NBAS: variants seen among roughly 807,000 people sequenced by gnomAD.
NBAS encodes the protein NBAS subunit of NRZ tethering complex, also known as NAG/BC035112 fusion.
A neutral mutation model predicts 302.5 loss-of-function variants in NBAS; 219 were observed. The ratio of observed to expected loss-of-function variants is 0.72; its 90% confidence interval spans 0.65 to 0.81. The LOEUF (loss-of-function observed/expected upper bound fraction) is 0.81. NBAS is among the 30% of genes least tolerant of loss of function. The pLI, the probability that NBAS is intolerant of heterozygous loss-of-function variation, is 0.00. For missense variants in NBAS, 2,932 were observed against 2,841.6 expected, an observed-to-expected ratio of 1.03 and a Z score of -0.72; for synonymous variants, 1,118 against 1,021.6, an observed-to-expected ratio of 1.09 and a Z score of -1.80.
chr2:15,046,669 GT>G, the NBAS span, among the ~76,000 whole-genome samples: 1 of 152,156 alleles, frequency 6.6e-6, no homozygotes, highest in Non-Finnish European at 1.5e-5. Context: ...CTTTTAATTA[GT>G]TGTACAGAAG....
chr2:15,390,812 T>A (rs1675554458), intron 28 of NBAS, among the ~76,000 whole-genome samples: 1 of 152,072 alleles, frequency 6.6e-6, no homozygotes, highest in African/African-American at 2.4e-5. Context: ...TAATGTCTAG[T>A]ATTCAATAAA....
At chr2:14,894,721 A>G in the NBAS span, among the ~76,000 whole-genome samples, 5 of 152,178 alleles carry the variant, frequency 3.3e-5, no homozygotes, top group African/African-American at 4.8e-5. Context: ...CCTTAATTCC[A>G]CAGCAGAACA....
chr2:15,203,890 T>TTGTGTGTGTGTGTGTGTG (rs143962413), intron 48 of NBAS, among the ~76,000 whole-genome samples: 2 of 129,460 alleles, frequency 1.5e-5, no homozygotes, highest in African/African-American at 5.6e-5. Context: ...GTGTGTGTGC[T>TTGTGTGTGTGTGTGTGTG]TGTGTGTGTG....
At chr2:15,196,581 G>A (rs981638430) in intron 48 of NBAS, among the ~76,000 whole-genome samples, 1 of 152,020 alleles carries the variant, frequency 6.6e-6, no homozygotes, top group African/African-American at 2.4e-5. Context: ...CAAACAAAAT[G>A]CAGAAAACAA....
chr2:14,962,543 T>G, the NBAS span, among the ~76,000 whole-genome samples: 3 of 152,130 alleles, frequency 2.0e-5, no homozygotes, highest in African/African-American at 7.2e-5. Flanking sequence ...GAGGGATAGA[T>G]TCTTTTGTTC....
intron 50 of NBAS, 78 bp downstream of exon 50, chr2:15,186,664 T>C: frequency 6.3e-7 from 1 of 1,596,172 alleles, no homozygotes; most frequent in Non-Finnish European, 8.6e-7. Flanking sequence ...TCAAATCCAG[T>C]CTCTGGGATT....
the NBAS span, among the ~76,000 whole-genome samples, chr2:14,872,940 G>A: frequency 2.0e-5 from 3 of 152,190 alleles, no homozygotes; most frequent in Non-Finnish European, 2.9e-5. Context: ...AGAACTTTGT[G>A]GTGAGTGTTG....
At chr2:14,983,198 A>T in the NBAS span, among the ~76,000 whole-genome samples, 2 of 152,262 alleles carry the variant, frequency 1.3e-5, no homozygotes, top group Non-Finnish European at 2.9e-5. Context: ...TGTATAAAAC[A>T]TTTAGAACTG....
chr2:15,268,559 G>C (rs1669177890), intron 44 of NBAS, among the ~76,000 whole-genome samples: 1 of 152,120 alleles, frequency 6.6e-6, no homozygotes, highest in African/African-American at 2.4e-5. Context: ...TCCACATGTG[G>C]CACACATGAT....
At chr2:15,534,196 G>A (rs184813843) in intron 9 of NBAS, among the ~76,000 whole-genome samples, 39 of 152,266 alleles carry the variant, frequency 2.6e-4, no homozygotes, top group East Asian at 1.4e-3. Context: ...TACTGAGGCC[G>A]TTCTGTGTGA....
intron 50 of NBAS, among the ~76,000 whole-genome samples, chr2:15,180,994 T>C (rs991806980): frequency 1.3e-5 from 2 of 152,248 alleles, no homozygotes; most frequent in African/African-American, 2.4e-5. Flanking sequence ...ATGTTCTAAA[T>C]GTACTGTATA....
intron 35 of NBAS, among the ~76,000 whole-genome samples, chr2:15,336,361 CTA>C: frequency 6.6e-6 from 1 of 152,176 alleles, no homozygotes; most frequent in East Asian, 1.9e-4. Flanking sequence ...TGAAAAATCT[CTA>C]TTGCTTGGAT....
chr2:15,010,783 AAAG>A, the NBAS span, among the ~76,000 whole-genome samples: 1 of 152,186 alleles, frequency 6.6e-6, no homozygotes, highest in Non-Finnish European at 1.5e-5. Context: ...TGGCTCCAGA[AAAG>A]AAAACAACCA....
At chr2:15,315,999 T>C (rs934432032) in intron 38 of NBAS, among the ~76,000 whole-genome samples, 1 of 152,132 alleles carries the variant, frequency 6.6e-6, no homozygotes, top group Non-Finnish European at 1.5e-5. Flanking sequence ...GAAGCAATAT[T>C]TGACAAAATA....
At chr2:14,935,260 G>A in the NBAS span, among the ~76,000 whole-genome samples, 18 of 151,978 alleles carry the variant, frequency 1.2e-4, no homozygotes, top group East Asian at 2.9e-3. Context: ...CTCTGTGATC[G>A]GTTTTTAGTT....
chr2:14,784,821 T>A, the NBAS span, among the ~76,000 whole-genome samples: 5 of 152,222 alleles, frequency 3.3e-5, no homozygotes, highest in Non-Finnish European at 7.3e-5. Context: ...TGGTTCCATA[T>A]GAACTTTAAA....
chr2:15,151,152 C>A, the NBAS span, among the ~76,000 whole-genome samples: 2 of 152,152 alleles, frequency 1.3e-5, no homozygotes, highest in Non-Finnish European at 2.9e-5. Flanking sequence ...TCTGTTGTGC[C>A]CTTCCAGGAT....
intron 21 of NBAS, among the ~76,000 whole-genome samples, chr2:15,457,484 G>C (rs191606066): frequency 1.3e-5 from 2 of 152,290 alleles, no homozygotes; most frequent in East Asian, 1.9e-4. Context: ...AAAAAGAAAA[G>C]AGCAGAATGA....
At chr2:15,493,956 G>A (rs543255118) in intron 11 of NBAS, among the ~76,000 whole-genome samples, 120 of 151,370 alleles carry the variant, frequency 7.9e-4, no homozygotes, top group African/African-American at 2.8e-3. Context: ...CTCCCACGTA[G>A]CTGGGATTAC....
Sources: gnomAD v4.1 joint callset for allele counts (sites outside exome capture counted in the v4.1 genomes callset) on GRCh38, gnomAD v4.1.1 for gene constraint, MANE v1.5 for transcripts, NCBI Gene and HGNC (gene_info 2026-07-23, HGNC 2026-07-21) for gene names.